MBP: variants seen among roughly 807,000 people sequenced by gnomAD.
MBP encodes the protein myelin basic protein.
Under a neutral mutation model 35.8 loss-of-function variants are expected in MBP, and 16 were observed. The ratio of observed to expected loss-of-function variants is 0.45; its 90% CI spans 0.30 to 0.68. The LOEUF (loss-of-function observed/expected upper bound fraction) is 0.68, where lower values mean the gene tolerates loss of function less well. Ranked by LOEUF, MBP falls within the 30% of genes least tolerant of loss-of-function variation. The pLI is 0.08. For missense variants in MBP, 380 were observed against 404.7 expected (o/e 0.94, Z 0.52); for synonymous variants, 143 against 159.6 (o/e 0.90, Z 0.78).
intron 4 of MBP, among the ~76,000 whole-genome samples, chr18:77,009,223 CTTCT>C (rs1971185257): frequency 6.6e-6 from 1 of 152,182 alleles, no homozygotes; most frequent in African/African-American, 2.4e-5. Context: ...TGGCTGTCCT[CTTCT>C]TTGTGAGTGC....
intron 2 of MBP, among the ~76,000 whole-genome samples, chr18:77,094,580 G>A (rs746280139): frequency 2.6e-5 from 4 of 152,172 alleles, no homozygotes; most frequent in East Asian, 3.9e-4. Flanking sequence ...TTTACAGCAC[G>A]CCAGCATTGT....
At chr18:77,025,855 G>T (rs938969182) in intron 3 of MBP, among the ~76,000 whole-genome samples, 1 of 152,152 alleles carries the variant, frequency 6.6e-6, no homozygotes, top group African/African-American at 2.4e-5. Context: ...CACACCCTGA[G>T]TAAACCAGGA....
intron 2 of MBP, among the ~76,000 whole-genome samples, chr18:77,096,932 G>A (rs956695387): frequency 3.9e-4 from 60 of 152,288 alleles, no homozygotes; most frequent in African/African-American, 1.3e-3. Flanking sequence ...CAGTTCATTC[G>A]CCTGTGAACT....
chr18:77,105,087 C>T, intron 2 of MBP, 124 bp downstream of exon 2: 1 of 606,266 alleles, frequency 1.6e-6, no homozygotes. Flanking sequence ...GACCAGGCTT[C>T]CACCCAGCTG....
chr18:76,996,638 T>C (rs546531252), intron 4 of MBP, among the ~76,000 whole-genome samples: 1 of 152,150 alleles, frequency 6.6e-6, no homozygotes, highest in East Asian at 1.9e-4. Flanking sequence ...TCATACTGTG[T>C]GGTCTTATTT....
chr18:76,984,766 G>A lies in MBP; in HGVS notation c.870+9C>T. On this transcript the variant is annotated intron_variant, in intron 8 of 8. Coordinates refer to ENST00000355994, the MANE Select transcript of MBP (RefSeq NM_001025101.2). ...CCCGCTCAGTGGAGCTGAGCAGAGG[G>A]TACCTTACCAGCTTAAAAATTTTGG... 1 of 1,613,878 alleles carries A rather than the reference G, an allele frequency of 6.2e-7. No individual in the cohort carries two copies. The highest frequency in any genetic ancestry group is 8.5e-7 in the Non-Finnish European group (1 of 1,180,000).
chr18:77,023,230 G>A (rs925840221), intron 3 of MBP, among the ~76,000 whole-genome samples: 2 of 152,136 alleles, frequency 1.3e-5, no homozygotes, highest in Admixed American at 1.3e-4. Context: ...TGTGATATGT[G>A]GGGGATAGCG....
At chr18:76,985,728 A>G (rs1368993333) in intron 7 of MBP, 14 of 1,009,026 alleles carry the variant, frequency 1.4e-5, no homozygotes, top group Admixed American at 1.1e-4. Context: ...GCCTTGGGCA[A>G]GGGCAGGAAC....
chr18:77,035,721 G>A (rs1389330058), intron 3 of MBP, among the ~76,000 whole-genome samples: 1 of 152,198 alleles, frequency 6.6e-6, no homozygotes, highest in Non-Finnish European at 1.5e-5. Context: ...CTGGAGCTAA[G>A]TCTATAATCC....
At chr18:77,026,844 C>A (rs1972242822) in intron 3 of MBP, among the ~76,000 whole-genome samples, 1 of 152,130 alleles carries the variant, frequency 6.6e-6, no homozygotes, top group South Asian at 2.1e-4. Flanking sequence ...CCAGCATGGG[C>A]AACAGAGCAA....
chr18:77,057,824 G>GTTTTTTTTTTTTTTTTTTT (rs780881071), intron 3 of MBP, among the ~76,000 whole-genome samples: 1 of 9,198 alleles, frequency 1.1e-4, no homozygotes, highest in Non-Finnish European at 1.5e-4. Context: ...GGCGGGGAGT[G>GTTTTTTTTTTTTTTTTTTT]TTTTTTTTTT....
intron 4 of MBP, among the ~76,000 whole-genome samples, chr18:76,997,939 C>A (rs988209195): frequency 6.6e-5 from 10 of 152,064 alleles, no homozygotes; most frequent in African/African-American, 2.4e-4. Context: ...GCCTCGGCCT[C>A]CCAAAGTGCT....
intron 1 of MBP, 62 bp from the exon 2 acceptor site, chr18:77,105,348 T>A (rs1165255751): frequency 9.4e-7 from 1 of 1,068,772 alleles, no homozygotes. Context: ...TCGATGTTGT[T>A]TTTCCATCAG....
chr18:77,041,795 G>A (rs1444892244), intron 3 of MBP, among the ~76,000 whole-genome samples: 1 of 115,342 alleles, frequency 8.7e-6, no homozygotes, highest in African/African-American at 3.2e-5. Context: ...GGGGGAGGGG[G>A]GAGGGATAGC....
At chr18:77,021,598 G>A (rs984660044) in intron 3 of MBP, among the ~76,000 whole-genome samples, 14 of 150,666 alleles carry the variant, frequency 9.3e-5, no homozygotes, top group Admixed American at 5.3e-4. Flanking sequence ...ATTCTCCTGC[G>A]TCAGCCTCCC....
At chr18:77,106,303 T>TG (rs957475577) in intron 1 of MBP, among the ~76,000 whole-genome samples, 2 of 152,194 alleles carry the variant, frequency 1.3e-5, no homozygotes, top group African/African-American at 4.8e-5. Flanking sequence ...GAGAATTGCC[T>TG]GACAGCTGAG....
intron 3 of MBP, among the ~76,000 whole-genome samples, chr18:77,032,215 G>A (rs1972568131): frequency 1.3e-5 from 2 of 152,216 alleles, no homozygotes; most frequent in Admixed American, 6.5e-5. Flanking sequence ...GAATACTTGT[G>A]TCACGGCGCG....
At chr18:77,012,225 C>T (rs1255569669) in intron 4 of MBP, among the ~76,000 whole-genome samples, 1 of 152,192 alleles carries the variant, frequency 6.6e-6, no homozygotes, top group African/African-American at 2.4e-5. Context: ...CAGCACCATC[C>T]CCTCATTTCA....
intron 1 of MBP, among the ~76,000 whole-genome samples, chr18:77,110,920 G>A (rs1215886904): frequency 6.6e-6 from 1 of 152,108 alleles, no homozygotes; most frequent in African/African-American, 2.4e-5. Flanking sequence ...CACCATGAAG[G>A]CATCTTTTTC....
Sources: gnomAD v4.1 joint callset for allele counts (sites outside exome capture counted in the v4.1 genomes callset) on GRCh38, gnomAD v4.1.1 for gene constraint, MANE v1.5 for transcripts, NCBI Gene and HGNC (gene_info 2026-07-23, HGNC 2026-07-21) for gene names.